Variants in EVA1C observed in about 807,000 individuals in gnomAD.
EVA1C encodes eva-1 homolog C, also known as protein eva-1 homolog C.
EVA1C carries 25 observed loss-of-function variants against 45.4 expected under a neutral mutation model. The observed-to-expected ratio is 0.55, with a 90% CI of 0.40 to 0.77. The LOEUF is 0.77. Ranked by LOEUF, EVA1C falls within the 30% of genes least tolerant of loss-of-function variation. The pLI is 0.00. For missense variants in EVA1C, 479 were observed against 554.8 expected (o/e 0.86, Z 1.37); for synonymous variants, 190 against 221.2 (o/e 0.86, Z 1.25).
intron 1 of EVA1C, among the ~76,000 whole-genome samples, chr21:32,449,778 C>G (rs1182281993): frequency 6.6e-6 from 1 of 152,066 alleles, no homozygotes; most frequent in African/African-American, 2.4e-5. Flanking sequence ...CGTGCCACCA[C>G]ACCCAGCTAA....
rs1025568137 is a variant in EVA1C at position 32,438,504 on chromosome 21, A to T, written c.161-14808A>T. ...TCTGTCTCAAAAAAAAAAAAAAAAA[A>T]AAAACCAAAACGACCAAGAAAAGGG... is the stretch of plus-strand genomic sequence containing the variant. On this transcript the variant is annotated intron_variant, in intron 1 of 7. Coordinates refer to ENST00000300255, the MANE Select transcript of EVA1C (RefSeq NM_058187.5). 2.6e-5 allele frequency among the ~76,000 whole-genome samples: 4 copies of T among 151,244 alleles called. No individual in the cohort carries two copies. The East Asian group carries it at 7.8e-4, about 29-fold the overall frequency.
chr21:32,456,497 A>C (rs186934752), intron 2 of EVA1C, among the ~76,000 whole-genome samples: 1 of 152,146 alleles, frequency 6.6e-6, no homozygotes, highest in East Asian at 1.9e-4. Flanking sequence ...CTGGGGTCTG[A>C]GGGGTTTCTT....
At chr21:32,480,318 G>T (rs1017322820) in intron 4 of EVA1C, among the ~76,000 whole-genome samples, 5 of 79,228 alleles carry the variant, frequency 6.3e-5, no homozygotes, top group African/African-American at 2.9e-4. Flanking sequence ...AAAAAAAAAG[G>T]TACCGAGTTG....
intron 4 of EVA1C, among the ~76,000 whole-genome samples, chr21:32,468,785 C>CT (rs1568917506): frequency 6.6e-6 from 1 of 152,216 alleles, no homozygotes; most frequent in Admixed American, 6.5e-5. Context: ...TCCCAGCCCA[C>CT]TGACTCAAAC....
At chr21:32,507,824 GT>G (rs2037807988) in intron 7 of EVA1C, among the ~76,000 whole-genome samples, 1 of 146,922 alleles carries the variant, frequency 6.8e-6, no homozygotes, top group Non-Finnish European at 1.5e-5. Context: ...ATGTATGTGT[GT>G]TGCATGTGTG....
intron 1 of EVA1C, among the ~76,000 whole-genome samples, chr21:32,430,440 T>C (rs1241471788): frequency 6.6e-6 from 1 of 152,202 alleles, no homozygotes; most frequent in Non-Finnish European, 1.5e-5. Flanking sequence ...TGCCATCCTG[T>C]GGCAACTCCA....
At chr21:32,460,849 G>A (rs1427477068) in intron 3 of EVA1C, among the ~76,000 whole-genome samples, 1 of 151,732 alleles carries the variant, frequency 6.6e-6, no homozygotes, top group Non-Finnish European at 1.5e-5. Flanking sequence ...GGTTTCAAGC[G>A]ATTCTCCTGC....
At chr21:32,486,792 G>T (rs1356143457) in intron 4 of EVA1C, among the ~76,000 whole-genome samples, 1 of 152,076 alleles carries the variant, frequency 6.6e-6, no homozygotes, top group East Asian at 1.9e-4. Flanking sequence ...AAATAACTTG[G>T]ATCTACTTAT....
intron 3 of EVA1C, among the ~76,000 whole-genome samples, chr21:32,463,740 CAA>C (rs11305870): frequency 1.5e-5 from 2 of 137,260 alleles, no homozygotes; most frequent in South Asian, 2.3e-4. Flanking sequence ...CAAAACAAAA[CAA>C]AAAAAAAACC....
At chr21:32,503,880 C>T (rs965519591) in intron 6 of EVA1C, 46 bp from the exon 7 acceptor site, 10 of 1,383,310 alleles carry the variant, frequency 7.2e-6, no homozygotes, top group Middle Eastern at 2.5e-4. Flanking sequence ...AATAGGCGTA[C>T]TATGAACAGC....
At chr21:32,514,218 T>A (rs963901574) in intron 7 of EVA1C, among the ~76,000 whole-genome samples, 2 of 152,286 alleles carry the variant, frequency 1.3e-5, no homozygotes, top group East Asian at 3.9e-4. Context: ...GATGACTGTA[T>A]ATTTATATTT....
Position 32,412,746 on chromosome 21 carries a change from C to CA in EVA1C, c.-108_-107insA. 8.6e-7 allele frequency: 1 copy of CA among 1,162,198 alleles called. No individual in the cohort carries two copies. The highest frequency in any genetic ancestry group is 1.1e-6 in the Non-Finnish European group (1 of 899,814). The allele number at this position is 1,162,198 out of a possible 1,614,324, so 72.0% of individuals were successfully genotyped here. Reference sequence around the variant, plus strand: ...GCCTGGGCAGGGAGGCGGCGGGGGGCCGCGGAGCCGCTGGCCATCGATTCT... The same window carrying CA: ...GCCTGGGCAGGGAGGCGGCGGGGGGCACGCGGAGCCGCTGGCCATCGATTCT... On this transcript the variant is annotated 5_prime_UTR_variant, in exon 1 of 8. Transcript: ENST00000300255.
chr21:32,435,001 T>C (rs111684836), intron 1 of EVA1C, among the ~76,000 whole-genome samples: 4,576 of 152,108 alleles, frequency 0.03, 2 homozygotes, highest in Middle Eastern at 0.088. Context: ...ATTGTCTTCA[T>C]TTTATCTTCG....
chr21:32,504,776 G>A (rs1440388361), intron 7 of EVA1C, among the ~76,000 whole-genome samples: 4 of 152,196 alleles, frequency 2.6e-5, no homozygotes, highest in East Asian at 1.9e-4. Context: ...GCTATTTGGG[G>A]TAAGCCTGTC....
intron 5 of EVA1C, among the ~76,000 whole-genome samples, chr21:32,498,227 A>G (rs1453854942): frequency 6.6e-6 from 1 of 152,146 alleles, no homozygotes; most frequent in Admixed American, 6.5e-5. Context: ...CGGGCGCATC[A>G]TCTGAGGTCA....
intron 1 of EVA1C, among the ~76,000 whole-genome samples, chr21:32,427,855 T>TAAA (rs35551211): frequency 4.1e-5 from 5 of 122,534 alleles, no homozygotes; most frequent in Non-Finnish European, 6.8e-5. Context: ...CCATCTCTAT[T>TAAA]AAAAAAAAAA....
intron 4 of EVA1C, among the ~76,000 whole-genome samples, chr21:32,483,599 T>C (rs1334560846): frequency 6.6e-6 from 1 of 152,136 alleles, no homozygotes; most frequent in Non-Finnish European, 1.5e-5. Context: ...GATGGCAGCT[T>C]CACTGCTTCC....
At position 32,447,863 on chromosome 21, in the gene EVA1C, G is replaced by A. The variant is rs1174644672; in HGVS notation, c.161-5449G>A. On this transcript the variant is annotated intron_variant, in intron 1 of 7. Transcript: ENST00000300255. ...TGGGATTACAAGCGCCTGCCACCAC[G>A]TCCGGCTAATTTTGTATTTTTAGCA... Among the ~76,000 whole-genome samples, 4 of 152,072 alleles carry A rather than the reference G, an allele frequency of 2.6e-5. No homozygotes were observed. The East Asian group carries it at 5.8e-4, about 22-fold the overall frequency.
At chr21:32,462,023 A>T (rs1217831418) in intron 3 of EVA1C, among the ~76,000 whole-genome samples, 1 of 152,166 alleles carries the variant, frequency 6.6e-6, no homozygotes, top group Non-Finnish European at 1.5e-5. Context: ...ACACGCTAGC[A>T]CAGGACCATG....
Sources: gnomAD v4.1 joint callset for allele counts (sites outside exome capture counted in the v4.1 genomes callset) on GRCh38, gnomAD v4.1.1 for gene constraint, MANE v1.5 for transcripts, NCBI Gene and HGNC (gene_info 2026-07-23, HGNC 2026-07-21) for gene names.